Variants in PRKD1 observed in about 807,000 individuals in gnomAD.
PRKD1 encodes the protein serine/threonine-protein kinase D1.
A neutral mutation model predicts 95.9 loss-of-function variants in PRKD1; 63 were observed. The ratio of observed to expected loss-of-function variants is 0.66; its 90% CI spans 0.54 to 0.81. The LOEUF (loss-of-function observed/expected upper bound fraction) is 0.81. Ranked by LOEUF, PRKD1 falls within the 30% of genes least tolerant of loss-of-function variation. The pLI, the probability that PRKD1 is intolerant of heterozygous loss-of-function variation, is 0.00. For missense variants in PRKD1, 1,048 were observed against 1,165.3 expected (o/e 0.90, Z 1.47); for synonymous variants, 425 against 423.1 (o/e 1.00, Z -0.05).
At chr14:29,587,521 C>A (rs1892977570) in intron 16 of PRKD1, among the ~76,000 whole-genome samples, 1 of 152,082 alleles carries the variant, frequency 6.6e-6, no homozygotes, top group Admixed American at 6.6e-5. Context: ...TTTTGAATGG[C>A]AAATAAACAG....
chr14:29,624,361 C>T (rs1349145228), intron 12 of PRKD1, 103 bp from the exon 13 acceptor site: 1 of 664,112 alleles, frequency 1.5e-6, no homozygotes, highest in East Asian at 2.9e-5. Flanking sequence ...AAACATATTT[C>T]ACTGAATAAA....
intron 1 of PRKD1, among the ~76,000 whole-genome samples, chr14:29,904,576 CAAT>C (rs1894430701): frequency 6.6e-6 from 1 of 152,094 alleles, no homozygotes; most frequent in African/African-American, 2.4e-5. Flanking sequence ...ATAACACTAG[CAAT>C]AATAATTGCT....
chr14:29,841,509 C>T (rs908325862), intron 1 of PRKD1, among the ~76,000 whole-genome samples: 8 of 152,052 alleles, frequency 5.3e-5, no homozygotes, highest in African/African-American at 1.4e-4. Context: ...ATAAGTCTCA[C>T]GAGATCTAAT....
intron 1 of PRKD1, among the ~76,000 whole-genome samples, chr14:29,916,739 T>C (rs1028865776): frequency 2.0e-5 from 3 of 152,200 alleles, no homozygotes; most frequent in African/African-American, 4.8e-5. Flanking sequence ...CAGAACTATA[T>C]AGATGTCTCA....
At chr14:29,685,203 C>T (rs1883787986) in intron 2 of PRKD1, among the ~76,000 whole-genome samples, 2 of 152,266 alleles carry the variant, frequency 1.3e-5, no homozygotes, top group Admixed American at 1.3e-4. Context: ...ATAGGGGCAC[C>T]TTATTTGTAT....
intron 1 of PRKD1, among the ~76,000 whole-genome samples, chr14:29,763,022 G>A (rs545561981): frequency 6.6e-5 from 10 of 150,512 alleles, no homozygotes; most frequent in African/African-American, 2.4e-4. Context: ...GGAATTACAG[G>A]CATGAGCCAC....
chr14:29,764,983 A>G (rs904661470), intron 1 of PRKD1, among the ~76,000 whole-genome samples: 4 of 152,198 alleles, frequency 2.6e-5, no homozygotes, highest in Non-Finnish European at 4.4e-5. Context: ...ACATAAACTC[A>G]GGTACAAGTG....
At position 29,578,279 on chromosome 14, in the gene PRKD1, AG is replaced by A; in HGVS notation, c.2515del (p.Leu839TyrfsTer8). On this transcript the variant is annotated frameshift_variant, in exon 17 of 18. Coordinates refer to ENST00000331968, the MANE Select transcript of PRKD1 (RefSeq NM_002742.3). LOFTEE classifies it high-confidence loss of function. ...SVDKTLSHPW[L>X]QDYQTWLDLR... is the part of the protein sequence containing the mutation. Reference sequence around the variant, plus strand: ...AACTCAGTGATTATTGTTTACCTGTAGCCAAGGGTGGCTCAAGGTCTTATCC... The same window carrying A: ...AACTCAGTGATTATTGTTTACCTGTACCAAGGGTGGCTCAAGGTCTTATCC... 1 of 1,601,680 alleles carries A rather than the reference AG, an allele frequency of 6.2e-7. No individual in the cohort carries two copies. Among genetic ancestry groups the A allele is most frequent in the African/African-American group, 1.3e-5 (1 of 74,560 alleles).
In PRKD1 at chr14:29,576,919, G is replaced by A; in HGVS notation, c.*319C>T. The A allele has an allele frequency of 5.6e-6, 2 of 354,088 alleles. No homozygotes were observed. Among genetic ancestry groups the A allele is most frequent in the East Asian group, 6.3e-5 (1 of 15,952 alleles). The allele number at this position is 354,088 out of a possible 1,614,324, so 21.9% of individuals were successfully genotyped here. On this transcript the variant is annotated 3_prime_UTR_variant, in exon 18 of 18. Coordinates refer to ENST00000331968, the MANE Select transcript of PRKD1 (RefSeq NM_002742.3). ...GATACATTCTGTCTCTTACCAAAAT[G>A]AAGCTCCAGTAAGAAAAACACTGAT...
At chr14:29,654,664 A>G (rs978432987) in intron 4 of PRKD1, among the ~76,000 whole-genome samples, 1 of 152,198 alleles carries the variant, frequency 6.6e-6, no homozygotes, top group Non-Finnish European at 1.5e-5. Flanking sequence ...ACTTGTCGGT[A>G]TATGGTTTAC....
chr14:29,919,156 T>C (rs994360307), intron 1 of PRKD1, among the ~76,000 whole-genome samples: 3 of 152,192 alleles, frequency 2.0e-5, no homozygotes, highest in African/African-American at 7.2e-5. Context: ...TTCACCAAAA[T>C]AAGTTGAACA....
At chr14:29,850,179 T>C (rs1323117356) in intron 1 of PRKD1, among the ~76,000 whole-genome samples, 1 of 151,928 alleles carries the variant, frequency 6.6e-6, no homozygotes, top group African/African-American at 2.4e-5. Context: ...TTATTCAACA[T>C]AGTACTGGAA....
chr14:29,601,053 A>C (rs371672652), intron 13 of PRKD1, among the ~76,000 whole-genome samples: 2 of 152,302 alleles, frequency 1.3e-5, no homozygotes, highest in African/African-American at 4.8e-5. Context: ...AAAAAAATTA[A>C]ATGCTTCTTT....
At chr14:29,709,249 A>G (rs1380886328) in intron 2 of PRKD1, among the ~76,000 whole-genome samples, 1 of 152,166 alleles carries the variant, frequency 6.6e-6, no homozygotes, top group Admixed American at 6.5e-5. Context: ...AGTAAAAGGG[A>G]AAAATAGAAA....
At chr14:29,899,204 A>G (rs1302454765) in intron 1 of PRKD1, among the ~76,000 whole-genome samples, 1 of 152,222 alleles carries the variant, frequency 6.6e-6, no homozygotes, top group African/African-American at 2.4e-5. Context: ...ACATTTATAA[A>G]TAAGGTTAAA....
In PRKD1 at chr14:29,626,731, T is replaced by G. The variant is rs1879653737; in HGVS notation, c.1726-175A>C. ...TCAAAGCACACTCTTTTTTTTTTTT[T>G]TGAGATGGAGTCTCGCTCTGTTGCC... On this transcript the variant is annotated intron_variant, in intron 11 of 17. Transcript: ENST00000331968. 2.0e-5 allele frequency among the ~76,000 whole-genome samples: 3 copies of G among 151,368 alleles called. No homozygotes were observed. The South Asian group carries it at 6.3e-4, about 32-fold the overall frequency.
intron 4 of PRKD1, among the ~76,000 whole-genome samples, chr14:29,647,200 A>C (rs2139164231): frequency 6.6e-6 from 1 of 152,318 alleles, no homozygotes; most frequent in Middle Eastern, 3.4e-3. Context: ...TAACATATAT[A>C]ATCTCTTACT....
chr14:29,785,282 C>T (rs919031066), intron 1 of PRKD1, among the ~76,000 whole-genome samples: 2 of 152,120 alleles, frequency 1.3e-5, no homozygotes, highest in African/African-American at 4.8e-5. Flanking sequence ...TGGATGACAA[C>T]CTCTTTGGTC....
chr14:29,904,944 A>G (rs1894443923), intron 1 of PRKD1, among the ~76,000 whole-genome samples: 1 of 152,224 alleles, frequency 6.6e-6, no homozygotes. Flanking sequence ...CAATAAATCA[A>G]TAATTTGTGG....
Sources: gnomAD v4.1 joint callset for allele counts (sites outside exome capture counted in the v4.1 genomes callset) on GRCh38, gnomAD v4.1.1 for gene constraint, MANE v1.5 for transcripts, NCBI Gene and HGNC (gene_info 2026-07-23, HGNC 2026-07-21) for gene names.